The following NOX4 variants were observed in gnomAD, a reference collection of about 807,000 sequenced individuals.
NOX4 encodes NADPH oxidase 4, also known as kidney oxidase-1.
Under a neutral mutation model 87.6 loss-of-function variants are expected in NOX4, and 69 were observed. That is an observed-to-expected ratio of 0.79 (90% CI 0.65 to 0.96). The LOEUF (loss-of-function observed/expected upper bound fraction) is 0.96, where lower values mean the gene tolerates loss of function less well. Among genes scored for constraint, NOX4 ranks in the 40% least tolerant of loss-of-function variants. The probability of loss-of-function intolerance (pLI) is 0.00; values close to 1 mark genes in which losing one functional copy is unlikely to be tolerated. For synonymous variants in NOX4, 275 were observed against 238.2 expected, an observed-to-expected ratio of 1.15 and a Z score of -1.42; for missense variants, 680 against 681.5, an observed-to-expected ratio of 1.00 and a Z score of 0.02.
At chr11:89,355,636 A>G (rs1937988036) in intron 12 of NOX4, among the ~76,000 whole-genome samples, 1 of 152,122 alleles carries the variant, frequency 6.6e-6, no homozygotes, top group Non-Finnish European at 1.5e-5. Context: ...TTCAATTGAC[A>G]GAAATTAGTC....
At chr11:89,573,141 T>C in the NOX4 span, among the ~76,000 whole-genome samples, 3 of 152,228 alleles carry the variant, frequency 2.0e-5, no homozygotes, top group Non-Finnish European at 4.4e-5. Context: ...ATGTACATAT[T>C]ATAAGACCCC....
chr11:89,505,332 CG>C, the NOX4 span, among the ~76,000 whole-genome samples: 1 of 151,576 alleles, frequency 6.6e-6, no homozygotes, highest in Non-Finnish European at 1.5e-5. Context: ...CTAATGAGCC[CG>C]ATAAGTTGTT....
intron 12 of NOX4, among the ~76,000 whole-genome samples, chr11:89,356,949 G>A (rs889780794): frequency 1.3e-5 from 2 of 152,060 alleles, no homozygotes; most frequent in Non-Finnish European, 1.5e-5. Flanking sequence ...TGATACGGTC[G>A]CACAGTCAGG....
chr11:89,367,733 G>T (rs1345067408), intron 12 of NOX4, among the ~76,000 whole-genome samples: 1 of 151,998 alleles, frequency 6.6e-6, no homozygotes, highest in Non-Finnish European at 1.5e-5. Flanking sequence ...TTCAGTTCCT[G>T]TTTAAAACTC....
the NOX4 span, among the ~76,000 whole-genome samples, chr11:89,581,304 CA>C: frequency 1.1e-4 from 16 of 152,270 alleles, no homozygotes; most frequent in East Asian, 3.1e-3. Flanking sequence ...TTTGTGATAA[CA>C]GAACTTACCT....
chr11:89,578,673 A>T, the NOX4 span, among the ~76,000 whole-genome samples: 40 of 152,314 alleles, frequency 2.6e-4, 1 homozygote, highest in South Asian at 8.3e-3. Context: ...AACAACCTCA[A>T]TTAATGTTGA....
chr11:89,383,864 C>A (rs1222236427), intron 11 of NOX4, among the ~76,000 whole-genome samples: 1 of 152,090 alleles, frequency 6.6e-6, no homozygotes. Context: ...ATCTCTCCAC[C>A]TTAATCCACA....
At chr11:89,532,268 A>G in the NOX4 span, among the ~76,000 whole-genome samples, 2 of 152,292 alleles carry the variant, frequency 1.3e-5, no homozygotes, top group Middle Eastern at 3.4e-3. Flanking sequence ...CAGCCTGTGA[A>G]AGTAGCTATG....
chr11:89,459,518 G>A (rs902414393), intron 2 of NOX4, among the ~76,000 whole-genome samples: 3 of 151,888 alleles, frequency 2.0e-5, no homozygotes, highest in Non-Finnish European at 4.4e-5. Context: ...CACCAATAAC[G>A]ACAAACAGAG....
chr11:89,475,934 C>T (rs998307792), intron 2 of NOX4, among the ~76,000 whole-genome samples: 1 of 152,042 alleles, frequency 6.6e-6, no homozygotes, highest in African/African-American at 2.4e-5. Flanking sequence ...TTCTTGTGTG[C>T]TGTTAAGACA....
chr11:89,547,722 A>G, the NOX4 span, among the ~76,000 whole-genome samples: 4 of 152,182 alleles, frequency 2.6e-5, no homozygotes, highest in Non-Finnish European at 5.9e-5. Flanking sequence ...GATTTTCAGG[A>G]TCCAAACTCA....
the NOX4 span, among the ~76,000 whole-genome samples, chr11:89,578,855 G>A: frequency 6.6e-6 from 1 of 152,152 alleles, no homozygotes; most frequent in African/African-American, 2.4e-5. Flanking sequence ...TTTCACATGA[G>A]TATCTTTAGG....
chr11:89,397,131 G>T (rs1267715130), intron 11 of NOX4, among the ~76,000 whole-genome samples: 1 of 152,162 alleles, frequency 6.6e-6, no homozygotes, highest in Non-Finnish European at 1.5e-5. Flanking sequence ...TCAGACCACA[G>T]TGCAATCAAG....
the NOX4 span, chr11:89,548,742 G>C: frequency 6.6e-6 from 1 of 152,156 alleles, no homozygotes; most frequent in African/African-American, 2.4e-5. Context: ...AATATCTTAA[G>C]AACCTTCACC....
the NOX4 span, among the ~76,000 whole-genome samples, chr11:89,569,734 T>C: frequency 6.6e-6 from 1 of 152,174 alleles, no homozygotes; most frequent in Non-Finnish European, 1.5e-5. Context: ...CCGGGTGCAG[T>C]GGCTCACACC....
At chr11:89,435,270 G>A (rs1270005990) in intron 6 of NOX4, among the ~76,000 whole-genome samples, 2 of 152,066 alleles carry the variant, frequency 1.3e-5, no homozygotes, top group East Asian at 3.9e-4. Context: ...ATTATAGTTA[G>A]AGGGGCCTTT....
At chr11:89,571,865 C>G in the NOX4 span, among the ~76,000 whole-genome samples, 1 of 152,082 alleles carries the variant, frequency 6.6e-6, no homozygotes, top group African/African-American at 2.4e-5. Context: ...AAAGGACAGA[C>G]GGAACTCAAA....
the NOX4 span, among the ~76,000 whole-genome samples, chr11:89,524,386 C>T: frequency 1.3e-5 from 2 of 152,004 alleles, no homozygotes; most frequent in Non-Finnish European, 2.9e-5. Flanking sequence ...TACTGAGTAC[C>T]TTCTAGGTAT....
chr11:89,549,248 T>C, the NOX4 span, among the ~76,000 whole-genome samples: 1 of 152,224 alleles, frequency 6.6e-6, no homozygotes, highest in Non-Finnish European at 1.5e-5. Context: ...GCAGACTAAA[T>C]TCACGTTTAA....
Sources: allele counts gnomAD v4.1 joint callset (sites outside exome capture counted in the v4.1 genomes callset), GRCh38; gene constraint gnomAD v4.1.1; transcripts MANE v1.5; gene names NCBI Gene and HGNC (gene_info 2026-07-23, HGNC 2026-07-21).